Variants in RELN observed in about 807,000 individuals in gnomAD.
RELN encodes the protein reelin.
In RELN, 108 loss-of-function variants were observed where a neutral mutation model predicts 427.6. That is an observed-to-expected ratio of 0.25 (90% CI 0.22 to 0.30). The LOEUF (loss-of-function observed/expected upper bound fraction) is 0.30. Ranked by LOEUF, RELN falls within the 10% of genes least tolerant of loss-of-function variation. The pLI is 1.00. For missense variants in RELN, 3,715 were observed against 4,302.8 expected, an observed-to-expected ratio of 0.86 and a Z score of 3.82; for synonymous variants, 1,524 against 1,513.4, an observed-to-expected ratio of 1.01 and a Z score of -0.16.
In RELN at chr7:103,654,177, A is replaced by G. The variant is rs1009734965; in HGVS notation, c.1470T>C (p.His490=). The stretch of plus-strand genomic sequence containing the variant: ...TTGCATACAGGATTATGTCATTTTC[A>G]TGAGAATTTCCAGGGTCACAAATTC... ...MGGICDPGNS[H]ENDIILYAKI... Residue 490 remains histidine, a synonymous_variant, in exon 13 of 65, where the codon CAT becomes CAC. Transcript: ENST00000428762. The G allele has an allele frequency of 3.1e-6, 5 of 1,611,406 alleles. No individual in the cohort carries two copies. Among genetic ancestry groups the G allele is most frequent in the Admixed American group, 1.7e-5 (1 of 59,798 alleles).
chr7:103,587,634 G>A (rs1023490889), intron 28 of RELN, among the ~76,000 whole-genome samples: 15 of 151,652 alleles, frequency 9.9e-5, no homozygotes, highest in African/African-American at 3.4e-4. Context: ...ATCCAACAAG[G>A]GACCAATATA....
At chr7:103,945,537 T>G (rs1281832700) in intron 1 of RELN, among the ~76,000 whole-genome samples, 2 of 152,168 alleles carry the variant, frequency 1.3e-5, no homozygotes, top group South Asian at 4.1e-4. Context: ...TTCTAGCTGT[T>G]CCTCTGGCCA....
chr7:103,559,252 A>G (rs1830589739), intron 36 of RELN, among the ~76,000 whole-genome samples: 1 of 152,216 alleles, frequency 6.6e-6, no homozygotes, highest in East Asian at 1.9e-4. Context: ...ATGAGATACC[A>G]GTGTTTTGTT....
intron 28 of RELN, among the ~76,000 whole-genome samples, chr7:103,584,953 C>A (rs1831235401): frequency 6.6e-6 from 1 of 152,048 alleles, no homozygotes; most frequent in Non-Finnish European, 1.5e-5. Context: ...ACAACTTGCT[C>A]CTGACTGATC....
At chr7:103,618,829 C>T (rs1269364268) in intron 20 of RELN, among the ~76,000 whole-genome samples, 3 of 152,062 alleles carry the variant, frequency 2.0e-5, no homozygotes, top group Admixed American at 2.0e-4. Flanking sequence ...AGTATTTACA[C>T]TGGCAGGGTG....
intron 3 of RELN, among the ~76,000 whole-genome samples, chr7:103,815,279 A>G (rs1413727226): frequency 6.6e-6 from 1 of 152,146 alleles, no homozygotes; most frequent in Non-Finnish European, 1.5e-5. Context: ...TTAATATTTA[A>G]ACTTATAAGG....
chr7:103,629,603 C>A (rs768345992), intron 20 of RELN, among the ~76,000 whole-genome samples: 2 of 151,282 alleles, frequency 1.3e-5, no homozygotes, highest in Non-Finnish European at 2.9e-5. Context: ...ATGGTCATCA[C>A]TTTAATAACT....
In RELN at chr7:103,574,466, T is replaced by C. The variant is rs1830953776; in HGVS notation, c.4304-167A>G. On this transcript the variant is annotated intron_variant, in intron 29 of 64. Transcript: ENST00000428762. ...TGTCGGTCTGAAAGACAGCCATCAC[T>C]ACCATCATCAAAAACACTATTCTGC... Among the ~76,000 whole-genome samples, 3 of 152,222 alleles carry C rather than the reference T, an allele frequency of 2.0e-5. No homozygotes were observed. In the South Asian group the frequency reaches 6.2e-4, roughly 32 times the overall value.
intron 2 of RELN, among the ~76,000 whole-genome samples, chr7:103,882,432 T>C (rs1342487430): frequency 6.6e-6 from 1 of 152,230 alleles, no homozygotes; most frequent in Non-Finnish European, 1.5e-5. Context: ...ATCCAGGCTT[T>C]AGTTCTCATC....
At chr7:103,954,872 C>G (rs1220784855) in intron 1 of RELN, among the ~76,000 whole-genome samples, 3 of 152,060 alleles carry the variant, frequency 2.0e-5, no homozygotes, top group Admixed American at 1.3e-4. Flanking sequence ...ATCCTTTGTG[C>G]TAATTTTTAA....
chr7:103,828,404 T>A (rs975058733), intron 3 of RELN, among the ~76,000 whole-genome samples: 2 of 130,440 alleles, frequency 1.5e-5, no homozygotes, highest in African/African-American at 5.7e-5. Context: ...CTGTGAGTGA[T>A]CCTTCTTGCT....
chr7:103,761,686 G>T (rs1458088793), intron 4 of RELN, among the ~76,000 whole-genome samples: 3 of 151,952 alleles, frequency 2.0e-5, no homozygotes, highest in African/African-American at 4.8e-5. Flanking sequence ...GAACTCCTGG[G>T]CTCAAGCAAT....
At chr7:103,518,327 CTT>C (rs767194919) in intron 49 of RELN, among the ~76,000 whole-genome samples, 33 of 106,476 alleles carry the variant, frequency 3.1e-4, no homozygotes, top group Admixed American at 5.9e-4. Flanking sequence ...TCTACGTTTC[CTT>C]TTTTTTTTTT....
chr7:103,584,086 G>T (rs932478382), intron 28 of RELN, among the ~76,000 whole-genome samples: 1 of 152,206 alleles, frequency 6.6e-6, no homozygotes, highest in African/African-American at 2.4e-5. Context: ...CCACTTGGAA[G>T]GCTGCAGTGG....
intron 3 of RELN, among the ~76,000 whole-genome samples, chr7:103,778,338 G>A (rs17155932): frequency 0.012 from 1,844 of 152,138 alleles, 49 homozygotes; most frequent in African/African-American, 0.043. Context: ...GAATTTTAAC[G>A]TGACATTTGC....
At chr7:103,557,920 AC>A (rs767549928) in intron 37 of RELN, 44 bp downstream of exon 37, 1 of 906,266 alleles carries the variant, frequency 1.1e-6, no homozygotes. Flanking sequence ...AAGGAATTGC[AC>A]AGGGGAGAAT....
intron 1 of RELN, among the ~76,000 whole-genome samples, chr7:103,985,412 A>C (rs939205728): frequency 1.3e-5 from 2 of 152,180 alleles, no homozygotes; most frequent in African/African-American, 4.8e-5. Flanking sequence ...TGTCTCACCA[A>C]AGCTCAAGTA....
Position 103,498,322 on chromosome 7 carries a change from A to G in RELN, c.8668-70T>C. On this transcript the variant is annotated intron_variant, in intron 53 of 64. Transcript: ENST00000428762. ...ATAACTATGGAATATTTAAGAAAATACAGAGTGATGTCTTGGACTTAAAAA... is the reference window on the plus strand; with the variant it reads ...ATAACTATGGAATATTTAAGAAAATGCAGAGTGATGTCTTGGACTTAAAAA... 5 of 1,386,650 alleles carry G rather than the reference A, an allele frequency of 3.6e-6. No individual in the cohort carries two copies. The South Asian group carries it at 5.9e-5, about 16-fold the overall frequency. The allele number at this position is 1,386,650 out of a possible 1,614,324, so 85.9% of individuals were successfully genotyped here.
At chr7:103,654,366 C>T (rs189529644) in intron 12 of RELN, among the ~76,000 whole-genome samples, 161 bp from the exon 13 acceptor site, 294 of 152,040 alleles carry the variant, frequency 1.9e-3, no homozygotes, top group Non-Finnish European at 3.1e-3. Context: ...TAATTTATAA[C>T]GATAGTTCAA....
Sources: allele counts gnomAD v4.1 joint callset (sites outside exome capture counted in the v4.1 genomes callset), GRCh38; gene constraint gnomAD v4.1.1; transcripts MANE v1.5; gene names NCBI Gene and HGNC (gene_info 2026-07-23, HGNC 2026-07-21).